Variants in RBM47 observed in about 807,000 individuals in gnomAD.
RBM47 encodes RNA binding motif protein 47.
RBM47 carries 21 observed loss-of-function variants against 47.1 expected under a neutral mutation model. The observed-to-expected ratio is 0.45, with a 90% CI of 0.32 to 0.64. RBM47 has a LOEUF of 0.64. RBM47 is among the 30% of genes least tolerant of loss of function. RBM47 has a pLI of 0.05. For synonymous variants in RBM47, 375 were observed against 361.7 expected, an observed-to-expected ratio of 1.04 and a Z score of -0.42; for missense variants, 708 against 870.9, an observed-to-expected ratio of 0.81 and a Z score of 2.35.
chr4:40,559,713 T>A (rs987974669), intron 1 of RBM47, among the ~76,000 whole-genome samples: 1 of 152,142 alleles, frequency 6.6e-6, no homozygotes, highest in African/African-American at 2.4e-5. Context: ...CTCTTGGTGG[T>A]GCAAAAATAG....
chr4:40,522,799 G>T (rs1577876565), intron 2 of RBM47, among the ~76,000 whole-genome samples: 5 of 151,600 alleles, frequency 3.3e-5, no homozygotes, highest in African/African-American at 1.2e-4. Flanking sequence ...TACTTTTTTT[G>T]GAAATATAAT....
At chr4:40,439,052 G>T in intron 3 of RBM47, 128 bp from the exon 4 acceptor site, 2 of 775,374 alleles carry the variant, frequency 2.6e-6, no homozygotes, top group Non-Finnish European at 4.0e-6. Flanking sequence ...ATGAGAAATA[G>T]GATGGAGGCG....
intron 1 of RBM47, among the ~76,000 whole-genome samples, chr4:40,561,948 A>T (rs1034124887): frequency 3.9e-5 from 6 of 152,154 alleles, no homozygotes; most frequent in Admixed American, 3.9e-4. Flanking sequence ...CATTCATTAG[A>T]GGTCCACAAT....
chr4:40,506,051 TATCA>T (rs1724066165), intron 2 of RBM47, among the ~76,000 whole-genome samples: 1 of 152,230 alleles, frequency 6.6e-6, no homozygotes, highest in South Asian at 2.1e-4. Context: ...ACCTATCTAC[TATCA>T]AACAACAGCA....
chr4:40,431,519 A>G (rs62302021), intron 6 of RBM47, among the ~76,000 whole-genome samples: 9,044 of 152,080 alleles, frequency 0.059, 354 homozygotes, highest in Middle Eastern at 0.13. Context: ...TTAGCCGGGC[A>G]TGGTGGCGTG....
intron 3 of RBM47, among the ~76,000 whole-genome samples, chr4:40,448,283 G>T (rs1028349877): frequency 6.6e-6 from 1 of 150,830 alleles, no homozygotes; most frequent in East Asian, 1.9e-4. Flanking sequence ...GTGTGTGAGT[G>T]TGAGTGTGTG....
At chr4:40,438,973 CTT>C in intron 3 of RBM47, 49 bp from the exon 4 acceptor site, 2 of 1,420,672 alleles carry the variant, frequency 1.4e-6, no homozygotes, top group East Asian at 5.0e-5. Flanking sequence ...GATCTTGCCT[CTT>C]TTGGGTTGTG....
At chr4:40,513,267 C>T (rs1725179284) in intron 2 of RBM47, among the ~76,000 whole-genome samples, 1 of 152,176 alleles carries the variant, frequency 6.6e-6, no homozygotes, top group East Asian at 1.9e-4. Flanking sequence ...CAAAAATATA[C>T]CCAAATCATG....
chr4:40,606,067 G>A (rs59546150), intron 1 of RBM47, among the ~76,000 whole-genome samples: 8,171 of 149,130 alleles, frequency 0.055, 501 homozygotes, highest in African/African-American at 0.15. Flanking sequence ...GTGTGGTGGT[G>A]CACGCCTGCA....
chr4:40,609,211 C>T (rs997881040), intron 1 of RBM47, among the ~76,000 whole-genome samples: 2 of 152,014 alleles, frequency 1.3e-5, no homozygotes, highest in African/African-American at 4.8e-5. Context: ...CCAGGCTGGT[C>T]TTAAACTCCC....
chr4:40,533,869 G>A (rs931834977), intron 2 of RBM47, among the ~76,000 whole-genome samples: 1 of 150,020 alleles, frequency 6.7e-6, no homozygotes, highest in Admixed American at 6.7e-5. Flanking sequence ...AGGCTGGAGT[G>A]CAATGGTGTG....
intron 1 of RBM47, among the ~76,000 whole-genome samples, chr4:40,598,848 C>CAAAAAAAAAAAAA (rs34007215): frequency 7.3e-6 from 1 of 137,586 alleles, no homozygotes. Context: ...CTTGTAAAAC[C>CAAAAAAAAAAAAA]AAAAAAAAAA....
Position 40,580,017 on chromosome 4 carries a change from C to T in RBM47, c.-239-35511G>A, listed in dbSNP as rs539620298. Among the ~76,000 whole-genome samples the T allele has an allele frequency of 6.6e-5, 10 of 152,206 alleles. No homozygotes were observed. In the South Asian group the frequency reaches 1.9e-3, roughly 28 times the overall value. On this transcript the variant is annotated intron_variant, in intron 1 of 6. Transcript: ENST00000295971. ...AAGGGATCTTCCTGCCTTGACCTCC[C>T]AAAGTGCTGGGATTACAGGAGTGAG...
At chr4:40,447,026 ACCTAATCCTTGGCTAAAGCACTTTG>A (rs1488944373) in intron 3 of RBM47, among the ~76,000 whole-genome samples, 1 of 152,068 alleles carries the variant, frequency 6.6e-6, no homozygotes, top group African/African-American at 2.4e-5. Context: ...CCTGTTTCTC[ACCTAATCCTTGGCTAAAGCACTTTG>A]CAGAAGCTCT....
At chr4:40,582,841 C>T (rs1733086967) in intron 1 of RBM47, among the ~76,000 whole-genome samples, 1 of 152,316 alleles carries the variant, frequency 6.6e-6, no homozygotes, top group Middle Eastern at 3.4e-3. Flanking sequence ...AGTCACCACC[C>T]TGGTAGAATC....
chr4:40,611,957 C>A (rs1336199789), intron 1 of RBM47, among the ~76,000 whole-genome samples: 4 of 152,104 alleles, frequency 2.6e-5, no homozygotes, highest in Admixed American at 1.3e-4. Flanking sequence ...GAGTCTTGGC[C>A]TTCCACGCAA....
chr4:40,441,217 A>T (rs1425868376), intron 3 of RBM47, among the ~76,000 whole-genome samples: 1 of 151,108 alleles, frequency 6.6e-6, no homozygotes, highest in East Asian at 2.0e-4. Context: ...TGAGCCCAGG[A>T]GTTTGAAACC....
intron 1 of RBM47, among the ~76,000 whole-genome samples, chr4:40,556,046 T>G (rs1286302153): frequency 6.6e-6 from 1 of 151,790 alleles, no homozygotes; most frequent in Non-Finnish European, 1.5e-5. Context: ...TCTTTTTTTT[T>G]TTTTTTTGAG....
chr4:40,463,856 T>C (rs1054671773), intron 3 of RBM47, among the ~76,000 whole-genome samples: 1 of 152,098 alleles, frequency 6.6e-6, no homozygotes, highest in African/African-American at 2.4e-5. Flanking sequence ...AAATTGGTAA[T>C]ACAGTTTTTA....
Sources: gnomAD v4.1 joint callset for allele counts (sites outside exome capture counted in the v4.1 genomes callset) on GRCh38, gnomAD v4.1.1 for gene constraint, MANE v1.5 for transcripts, NCBI Gene and HGNC (gene_info 2026-07-23, HGNC 2026-07-21) for gene names.